Variants in PROK1 observed in about 807,000 individuals in gnomAD.
PROK1 encodes the protein prokineticin 1.
A neutral mutation model predicts 8.8 loss-of-function variants in PROK1; 10 were observed. The observed-to-expected ratio is 1.13, with a 90% confidence interval of 0.70 to 1.92. PROK1 has a LOEUF of 1.92. PROK1 is among the 30% of genes most tolerant of loss of function. PROK1 has a pLI of 0.00. For missense variants in PROK1, 140 were observed against 139.7 expected (o/e 1.00, Z -0.01); for synonymous variants, 57 against 56.0 (o/e 1.02, Z -0.08).
intron 1 of PROK1, among the ~76,000 whole-genome samples, chr1:110,452,829 A>G (rs960258801): frequency 6.6e-6 from 1 of 152,154 alleles, no homozygotes; most frequent in Non-Finnish European, 1.5e-5. Context: ...AGGCTTTATG[A>G]TCCTTCTTCC....
Position 110,456,488 on chromosome 1 carries a change from AC to A in PROK1, c.*138del, listed in dbSNP as rs1195291176. 9.5e-7 allele frequency: 1 copy of A among 1,055,498 alleles called. No homozygotes were observed. The highest frequency in any genetic ancestry group is 2.5e-5 in the East Asian group (1 of 40,714). The allele number at this position is 1,055,498 out of a possible 1,614,324, so 65.4% of individuals were successfully genotyped here. ...CCCTGATCTCTCTTGTCTAGTACGC[AC>A]ATATGCACACAGGCAGACATACCTC... On this transcript the variant is annotated 3_prime_UTR_variant, in exon 3 of 3. Coordinates refer to ENST00000271331, the MANE Select transcript of PROK1 (RefSeq NM_032414.3).
chr1:110,454,394 G>A (rs1326561932), intron 2 of PROK1, among the ~76,000 whole-genome samples: 1 of 152,218 alleles, frequency 6.6e-6, no homozygotes, highest in East Asian at 1.9e-4. Flanking sequence ...TACAGGGCCT[G>A]ACATAATTCA....
In PROK1 at chr1:110,456,786, A is replaced by C. The variant is rs1664180635; in HGVS notation, c.*435A>C. 3.5e-6 allele frequency: 1 copy of C among 286,642 alleles called. No individual in the cohort carries two copies. The highest frequency in any genetic ancestry group is 2.2e-5 in the African/African-American group (1 of 46,006). The allele number at this position is 286,642 out of a possible 1,614,324, so 17.8% of individuals were successfully genotyped here. A position where few individuals can be genotyped will look rare whatever the true frequency, so the allele number is the denominator to read the frequency against. On this transcript the variant is annotated 3_prime_UTR_variant, in exon 3 of 3. Transcript: ENST00000271331. ...AGTCCCAGGTCCTGGCCTGACCCTC[A>C]GGCCCTTCACGTGAGGTCTGTGAGG...
Position 110,452,208 on chromosome 1 carries a change from CA to C in PROK1, c.72+923del, listed in dbSNP as rs1664098084. On this transcript the variant is annotated intron_variant, in intron 1 of 2. Coordinates refer to ENST00000271331, the MANE Select transcript of PROK1 (RefSeq NM_032414.3). ...GGATAGTGGAAATGTAGAGAAATGC[CA>C]AACAATTCCTGGAATTGGGTTAATT... 2.0e-5 allele frequency among the ~76,000 whole-genome samples: 3 copies of C among 152,202 alleles called. No homozygotes were observed. In the South Asian group the frequency reaches 6.2e-4, roughly 31 times the overall value.
chr1:110,453,423 C>CACTG (rs1323643119), intron 1 of PROK1, among the ~76,000 whole-genome samples: 3 of 152,174 alleles, frequency 2.0e-5, no homozygotes, highest in African/African-American at 7.2e-5. Context: ...GGCACCTGTT[C>CACTG]ACTGGGGTGC....
chr1:110,454,786 T>C (rs925406357), intron 2 of PROK1, among the ~76,000 whole-genome samples: 1 of 152,254 alleles, frequency 6.6e-6, no homozygotes, highest in Admixed American at 6.5e-5. Flanking sequence ...ATGTCCCTTA[T>C]GGATCTGATG....
chr1:110,456,020 C>T (rs543895121), intron 2 of PROK1, among the ~76,000 whole-genome samples: 5 of 152,350 alleles, frequency 3.3e-5, no homozygotes, highest in Non-Finnish European at 7.3e-5. Context: ...AGCTCCTCCA[C>T]AAATTAGCTG....
At position 110,457,256 on chromosome 1, in the gene PROK1, G is replaced by C. The variant is rs1420237739; in HGVS notation, c.*905G>C. Reference sequence around the variant, plus strand: ...CTGTCCAGATTGGGGTGGGAGCAAGGGACAGGGAGCAGGGCAGGGGCTGAA... The same window carrying C: ...CTGTCCAGATTGGGGTGGGAGCAAGCGACAGGGAGCAGGGCAGGGGCTGAA... On this transcript the variant is annotated 3_prime_UTR_variant, in exon 3 of 3. Coordinates refer to ENST00000271331, the MANE Select transcript of PROK1 (RefSeq NM_032414.3). 3 of 152,546 alleles carry C rather than the reference G, an allele frequency of 2.0e-5. No homozygotes were observed. Among genetic ancestry groups the C allele is most frequent in the Non-Finnish European group, 2.9e-5 (2 of 68,176 alleles). 9.4% of individuals were successfully genotyped at this position (152,546 alleles called of 1,614,324 possible).
At position 110,456,987 on chromosome 1, in the gene PROK1, G is replaced by A. The variant is rs187313432; in HGVS notation, c.*636G>A. On this transcript the variant is annotated 3_prime_UTR_variant, in exon 3 of 3. Coordinates refer to ENST00000271331, the MANE Select transcript of PROK1 (RefSeq NM_032414.3). ...TCTGGTCCCAGTCAGCCTGTGGCTT[G>A]TGGCCTGTGACCTGTGACCTTCTGC... 2 of 158,646 alleles carry A rather than the reference G, an allele frequency of 1.3e-5. No homozygotes were observed. Among genetic ancestry groups the A allele is most frequent in the Admixed American group, 1.2e-4 (2 of 17,104 alleles). The allele number at this position is 158,646 out of a possible 1,614,324, so 9.8% of individuals were successfully genotyped here.
chr1:110,456,630 G>T lies in PROK1; in HGVS notation c.*279G>T. ...CAGGCTGCCAGAGAGGTGGTAAATG[G>T]CAGAAAGGACATTCCCCCTCCCCTC... is the stretch of plus-strand genomic sequence containing the variant. On this transcript the variant is annotated 3_prime_UTR_variant, in exon 3 of 3. Transcript: ENST00000271331. The T allele has an allele frequency of 2.1e-6, 1 of 467,838 alleles. No homozygotes were observed. Among genetic ancestry groups the T allele is most frequent in the South Asian group, 2.0e-5 (1 of 48,878 alleles). The allele number at this position is 467,838 out of a possible 1,614,324, so 29.0% of individuals were successfully genotyped here. A position where few individuals can be genotyped will look rare whatever the true frequency, so the allele number is the denominator to read the frequency against.
At chr1:110,454,373 A>C (rs1664137893) in intron 2 of PROK1, among the ~76,000 whole-genome samples, 1 of 152,236 alleles carries the variant, frequency 6.6e-6, no homozygotes. Flanking sequence ...ACACATTTGT[A>C]CATTTATTTG....
chr1:110,451,345 C>T (rs41281368), intron 1 of PROK1, 57 bp downstream of exon 1: 37,816 of 1,494,794 alleles, frequency 0.025, 618 homozygotes, highest in Non-Finnish European at 0.029. Flanking sequence ...AGGGTCTGCA[C>T]GGGTTGTGAG....
intron 1 of PROK1, 120 bp downstream of exon 1, chr1:110,451,408 GA>G: frequency 1.2e-6 from 1 of 841,726 alleles, no homozygotes; most frequent in Non-Finnish European, 2.0e-6. Flanking sequence ...GAACCAAAGG[GA>G]ATGGGGAATT....
intron 2 of PROK1, 42 bp downstream of exon 2, chr1:110,454,128 C>T (rs762206441): frequency 1.2e-6 from 2 of 1,603,770 alleles, no homozygotes; most frequent in Non-Finnish European, 1.7e-6. Flanking sequence ...TGTGGGTGGG[C>T]CATGCGGGGA....
At position 110,451,265 on chromosome 1, in the gene PROK1, T is replaced by C; in HGVS notation, c.49T>C (p.Ser17Pro). 1 of 1,614,184 alleles carries C rather than the reference T, an allele frequency of 6.2e-7. No individual in the cohort carries two copies. The highest frequency in any genetic ancestry group is 8.5e-7 in the Non-Finnish European group (1 of 1,180,022). The change falls in exon 1 of 3, where the codon TCT (serine) becomes CCT (proline). Residue 17 changes from serine to proline, a missense_variant. Transcript: ENST00000271331. The stretch of plus-strand genomic sequence containing the variant: ...AATCATGCTCCTCCTAGTAACTGTG[T>C]CTGACTGTGCTGTGATCACAGGGGT... ...VSIMLLLVTV[S>P]DCAVITGACE...
Position 110,456,508 on chromosome 1 carries a change from A to G in PROK1, c.*157A>G, listed in dbSNP as rs1664176334. ...TACGCACATATGCACACAGGCAGAC[A>G]TACCTCCCATCATGACATGGTCCCC... On this transcript the variant is annotated 3_prime_UTR_variant, in exon 3 of 3. Coordinates refer to ENST00000271331, the MANE Select transcript of PROK1 (RefSeq NM_032414.3). The G allele has an allele frequency of 1.1e-6, 1 of 912,068 alleles. No homozygotes were observed. Among genetic ancestry groups the G allele is most frequent in the Middle Eastern group, 2.4e-4 (1 of 4,178 alleles). 56.5% of individuals were successfully genotyped at this position (912,068 alleles called of 1,614,324 possible).
Position 110,456,294 on chromosome 1 carries a change from C to T in PROK1, c.261C>T (p.Ser87=). ...CTTGCTTGCCCAACCTGCTGTGCTC[C>T]AGGTTCCCGGACGGCAGGTACCGCT... is the stretch of plus-strand genomic sequence containing the variant. ...TCPCLPNLLC[S]RFPDGRYRCS... Residue 87 remains serine, a synonymous_variant, in exon 3 of 3, where the codon TCC becomes TCT. Coordinates refer to ENST00000271331, the MANE Select transcript of PROK1 (RefSeq NM_032414.3). 1 of 1,614,072 alleles carries T rather than the reference C, an allele frequency of 6.2e-7. No homozygotes were observed. The highest frequency in any genetic ancestry group is 8.5e-7 in the Non-Finnish European group (1 of 1,180,026).
chr1:110,452,885 G>A (rs767412834), intron 1 of PROK1, among the ~76,000 whole-genome samples: 25 of 152,282 alleles, frequency 1.6e-4, no homozygotes, highest in South Asian at 4.1e-4. Flanking sequence ...AAGAAGAGTC[G>A]ACTGGGGTTT....
rs200271858 is a variant in PROK1, at chr1:110,454,076, G to A, written c.188G>A (p.Gly63Asp). 6.2e-7 allele frequency: 1 copy of A among 1,612,598 alleles called. No individual in the cohort carries two copies. Among genetic ancestry groups the A allele is most frequent in the South Asian group, 1.1e-5 (1 of 91,040 alleles). ...LGREGEECHP[G>D]SHKVPFFRKR... ...CGGGAAGGCGAGGAGTGCCACCCCG[G>A]CAGCCACAAGGTACTCTGCAGACAC... is the stretch of plus-strand genomic sequence containing the variant. Residue 63 changes from glycine to aspartate, a missense_variant, in exon 2 of 3, where the codon GGC (glycine) becomes GAC (aspartate). Coordinates refer to ENST00000271331, the MANE Select transcript of PROK1 (RefSeq NM_032414.3).
Sources: allele counts gnomAD v4.1 joint callset (sites outside exome capture counted in the v4.1 genomes callset), GRCh38; gene constraint gnomAD v4.1.1; transcripts MANE v1.5; gene names NCBI Gene and HGNC (gene_info 2026-07-23, HGNC 2026-07-21).